Variants in MAGI1 observed in about 807,000 individuals in gnomAD.
MAGI1 encodes the protein membrane-associated guanylate kinase, WW and PDZ domain-containing protein 1.
In MAGI1, 58 loss-of-function variants were observed where a neutral mutation model predicts 139.9. That is an observed-to-expected ratio of 0.41 (90% CI 0.34 to 0.52). The LOEUF is 0.52. Among genes scored for constraint, MAGI1 ranks in the 20% least tolerant of loss-of-function variants. MAGI1 has a pLI of 0.12. For synonymous variants in MAGI1, 812 were observed against 737.9 expected (o/e 1.10, Z -1.63); for missense variants, 1,874 against 1,901.6 (o/e 0.99, Z 0.27).
intron 1 of MAGI1, among the ~76,000 whole-genome samples, chr3:65,729,268 C>T (rs1290785260): frequency 3.3e-5 from 5 of 152,086 alleles, no homozygotes; most frequent in Non-Finnish European, 7.4e-5. Flanking sequence ...TGTAAGCATA[C>T]GTTGAGGTTG....
At chr3:65,743,302 T>C (rs2035428282) in intron 1 of MAGI1, among the ~76,000 whole-genome samples, 1 of 152,234 alleles carries the variant, frequency 6.6e-6, no homozygotes, top group Non-Finnish European at 1.5e-5. Context: ...AATCAGGATA[T>C]AGTCTAGAAG....
At chr3:65,549,469 T>A (rs1355641359) in intron 2 of MAGI1, 2 of 984,652 alleles carry the variant, frequency 2.0e-6, no homozygotes, top group African/African-American at 3.5e-5. Context: ...AGGCGCGCGC[T>A]CGGTGGCCGC....
chr3:65,701,952 TC>T (rs1344126896), intron 1 of MAGI1, among the ~76,000 whole-genome samples: 1 of 152,168 alleles, frequency 6.6e-6, no homozygotes, highest in Non-Finnish European at 1.5e-5. Flanking sequence ...TATATGCAAA[TC>T]CCACACAATG....
intron 2 of MAGI1, among the ~76,000 whole-genome samples, chr3:65,570,073 CATTATTATTATTATTATT>C (rs57902043): frequency 1.9e-4 from 26 of 136,358 alleles, no homozygotes; most frequent in Admixed American, 4.5e-4. Flanking sequence ...TCTTTATTAT[CATTATTATTATTATTATT>C]ATTATTATTA....
At chr3:65,495,037 G>A (rs956745570) in intron 2 of MAGI1, among the ~76,000 whole-genome samples, 3 of 152,216 alleles carry the variant, frequency 2.0e-5, no homozygotes, top group African/African-American at 4.8e-5. Flanking sequence ...TTCCCGTTTC[G>A]TGCCTCCCCT....
At chr3:65,952,030 G>C (rs555979981) in intron 1 of MAGI1, among the ~76,000 whole-genome samples, 1 of 152,300 alleles carries the variant, frequency 6.6e-6, no homozygotes, top group African/African-American at 2.4e-5. Context: ...AAAGTCATAA[G>C]TATTGCTTCT....
intron 1 of MAGI1, among the ~76,000 whole-genome samples, chr3:65,642,437 T>A (rs2085031237): frequency 6.6e-6 from 1 of 152,180 alleles, no homozygotes; most frequent in South Asian, 2.1e-4. Context: ...GAATTTTACA[T>A]CAGCAAACCA....
chr3:65,460,850 C>T (rs905160069), intron 5 of MAGI1, among the ~76,000 whole-genome samples: 6 of 152,142 alleles, frequency 3.9e-5, no homozygotes, highest in Non-Finnish European at 7.4e-5. Flanking sequence ...TTTCCAGCTT[C>T]ATCCATGTCC....
chr3:65,465,505 G>C (rs548864327), intron 5 of MAGI1, among the ~76,000 whole-genome samples: 4 of 152,096 alleles, frequency 2.6e-5, no homozygotes, highest in Admixed American at 2.6e-4. Context: ...ATTTTCACTG[G>C]ATGTAGAATT....
intron 2 of MAGI1, among the ~76,000 whole-genome samples, chr3:65,621,754 G>A (rs2083681193): frequency 6.6e-6 from 1 of 152,110 alleles, no homozygotes; most frequent in Non-Finnish European, 1.5e-5. Flanking sequence ...GCCTTACAAA[G>A]GGTAGATAAT....
intron 10 of MAGI1, among the ~76,000 whole-genome samples, chr3:65,431,726 CCTGTAATCCTAG>C (rs1947470311): frequency 6.6e-6 from 1 of 152,018 alleles, no homozygotes; most frequent in African/African-American, 2.4e-5. Flanking sequence ...GTGGCTCATG[CCTGTAATCCTAG>C]CACTTTGGGA....
intron 1 of MAGI1, among the ~76,000 whole-genome samples, chr3:65,724,885 C>G (rs2033432078): frequency 6.6e-6 from 1 of 152,098 alleles, no homozygotes; most frequent in Non-Finnish European, 1.5e-5. Flanking sequence ...AAAATTGCCC[C>G]CATGATTCAA....
chr3:65,868,206 C>T (rs2059796882), intron 1 of MAGI1, among the ~76,000 whole-genome samples: 1 of 152,170 alleles, frequency 6.6e-6, no homozygotes. Flanking sequence ...GTGAGGTTTA[C>T]CTTGAGGCAA....
chr3:65,415,175 A>G (rs1301545619), intron 12 of MAGI1, among the ~76,000 whole-genome samples: 1 of 152,180 alleles, frequency 6.6e-6, no homozygotes, highest in Non-Finnish European at 1.5e-5. Flanking sequence ...ACCAAAAGGA[A>G]CACATCTCCT....
intron 2 of MAGI1, among the ~76,000 whole-genome samples, chr3:65,498,251 A>G (rs1952588993): frequency 7.0e-6 from 1 of 143,024 alleles, no homozygotes; most frequent in African/African-American, 2.5e-5. Flanking sequence ...AAATTCTACC[A>G]TGTTTCTCAG....
chr3:65,887,739 G>A (rs1257131960), intron 1 of MAGI1, among the ~76,000 whole-genome samples: 1 of 152,162 alleles, frequency 6.6e-6, no homozygotes, highest in Non-Finnish European at 1.5e-5. Flanking sequence ...TAGTAAGTCA[G>A]TTCATCTTTG....
At chr3:65,488,322 C>T (rs1447124088) in intron 3 of MAGI1, among the ~76,000 whole-genome samples, 1 of 152,120 alleles carries the variant, frequency 6.6e-6, no homozygotes, top group Non-Finnish European at 1.5e-5. Context: ...TCTCAAAACA[C>T]TCATAACTTT....
At chr3:65,698,421 A>G (rs1476335967) in intron 1 of MAGI1, among the ~76,000 whole-genome samples, 1 of 149,518 alleles carries the variant, frequency 6.7e-6, no homozygotes. Context: ...TCACCAAGGC[A>G]ATCCTAAGCC....
intron 1 of MAGI1, among the ~76,000 whole-genome samples, chr3:65,989,797 C>T (rs1321378601): frequency 6.6e-6 from 1 of 152,170 alleles, no homozygotes; most frequent in Non-Finnish European, 1.5e-5. Context: ...CTCAGCTTCC[C>T]AAAGTGCTGG....
Sources: allele counts gnomAD v4.1 joint callset (sites outside exome capture counted in the v4.1 genomes callset), GRCh38; gene constraint gnomAD v4.1.1; transcripts MANE v1.5; gene names NCBI Gene and HGNC (gene_info 2026-07-23, HGNC 2026-07-21).